The following SUZ12 variants were observed in gnomAD, a reference collection of about 807,000 sequenced individuals.
The protein encoded by SUZ12 is polycomb protein SUZ12.
A neutral mutation model predicts 87.3 loss-of-function variants in SUZ12; 17 were observed. That is an observed-to-expected ratio of 0.19 (90% CI 0.13 to 0.29). SUZ12 has a LOEUF of 0.29. Among genes scored for constraint, SUZ12 ranks in the 10% least tolerant of loss-of-function variants. The probability of loss-of-function intolerance (pLI) is 1.00; values close to 1 mark genes in which losing one functional copy is unlikely to be tolerated. For missense variants in SUZ12, 526 were observed against 912.2 expected, an observed-to-expected ratio of 0.58 and a Z score of 5.45; for synonymous variants, 253 against 312.4, an observed-to-expected ratio of 0.81 and a Z score of 2.01.
chr17:31,994,963 T>A (rs1909895093), intron 13 of SUZ12, among the ~76,000 whole-genome samples: 1 of 152,230 alleles, frequency 6.6e-6, no homozygotes, highest in African/African-American at 2.4e-5. Flanking sequence ...TCACTACTGC[T>A]GCAGTGGTTT....
chr17:31,992,015 G>A (rs560496832), intron 10 of SUZ12, among the ~76,000 whole-genome samples: 1 of 151,926 alleles, frequency 6.6e-6, no homozygotes, highest in Non-Finnish European at 1.5e-5. Context: ...CTCTGGGCTG[G>A]GCACGGTGAC....
intron 4 of SUZ12, among the ~76,000 whole-genome samples, chr17:31,960,460 C>T (rs1217690161): frequency 5.3e-5 from 8 of 152,056 alleles, no homozygotes; most frequent in South Asian, 4.1e-4. Context: ...CTGCCCGCCT[C>T]GGCCTCCCAA....
rs1910123452 is a variant in SUZ12 at position 31,998,966 on chromosome 17, CAG to C, written c.2184_2185del (p.Val730PhefsTer26). On this transcript the variant is annotated frameshift_variant, in exon 16 of 16. Coordinates refer to ENST00000322652, the MANE Select transcript of SUZ12 (RefSeq NM_015355.4). LOFTEE classifies it high-confidence loss of function. ...AAAGCTTTGGAAACAGATAGTGTCTCAGGGGTTTCAAAACAGAGCAAAAAACA... is the reference window on the plus strand; with the variant it reads ...AAAGCTTTGGAAACAGATAGTGTCTCGGGTTTCAAAACAGAGCAAAAAACA... The C allele has an allele frequency of 6.3e-7, 1 of 1,583,924 alleles. No individual in the cohort carries two copies. Among genetic ancestry groups the C allele is most frequent in the South Asian group, 1.2e-5 (1 of 85,398 alleles).
chr17:32,000,844 T>C lies in SUZ12; in HGVS notation c.*1841T>C, dbSNP rs1910220642. 1 of 225,594 alleles carries C rather than the reference T, an allele frequency of 4.4e-6. No homozygotes were observed. Among genetic ancestry groups the C allele is most frequent in the East Asian group, 6.5e-5 (1 of 15,324 alleles). 14.0% of individuals were successfully genotyped at this position (225,594 alleles called of 1,614,324 possible). ...TAAAAGCTGAAAAAATCCCTTTGTT[T>C]CTATTTATAAAAAAAGTGCTTTTCT... On this transcript the variant is annotated 3_prime_UTR_variant, in exon 16 of 16. Transcript: ENST00000322652.
At chr17:31,963,837 A>G (rs114838395) in intron 4 of SUZ12, 10,609 of 150,670 alleles carry the variant, frequency 0.07, no homozygotes, top group African/African-American at 0.23. Flanking sequence ...TTAGTTTTTA[A>G]CTTTATATTT....
intron 4 of SUZ12, among the ~76,000 whole-genome samples, chr17:31,949,890 C>T (rs1409340738): frequency 6.6e-6 from 1 of 151,826 alleles, no homozygotes; most frequent in Admixed American, 6.6e-5. Flanking sequence ...ACCATGTTGG[C>T]CAGGCTGGTC....
intron 9 of SUZ12, among the ~76,000 whole-genome samples, chr17:31,986,520 T>C (rs1909428753): frequency 2.0e-5 from 3 of 151,938 alleles, no homozygotes; most frequent in Admixed American, 2.0e-4. Context: ...GAACACACTT[T>C]TACTACATTC....
Position 31,995,716 on chromosome 17 carries a change from G to A in SUZ12, c.1748G>A (p.Ser583Asn). The A allele has an allele frequency of 6.2e-7, 1 of 1,614,046 alleles. No individual in the cohort carries two copies. Among genetic ancestry groups the A allele is most frequent in the Non-Finnish European group, 8.5e-7 (1 of 1,179,976 alleles). Reference sequence around the variant, plus strand: ...CGTCCACAAGAAATGGAAGTAGATAGTGAAGATGAAAAGGATCCTGAATGG... The same window carrying A: ...CGTCCACAAGAAATGGAAGTAGATAATGAAGATGAAAAGGATCCTGAATGG... Reference protein sequence around the residue: ...PLRPQEMEVDSEDEKDPEWLR... With the variant: ...PLRPQEMEVDNEDEKDPEWLR... Residue 583 changes from serine to asparagine, a missense_variant, in exon 14 of 16, where the codon AGT becomes AAT. By Grantham distance (46) the Ser-to-Asn change is conservative (BLOSUM62 1). Around this residue, in one of 9 missense-constraint regions of SUZ12, gnomAD observed 143 missense variants for 321.6 expected, o/e 0.44. Coordinates refer to ENST00000322652, the MANE Select transcript of SUZ12 (RefSeq NM_015355.4).
chr17:31,975,889 A>G lies in SUZ12; in HGVS notation c.823+176A>G, dbSNP rs532183072. On this transcript the variant is annotated intron_variant, in intron 7 of 15. Coordinates refer to ENST00000322652, the MANE Select transcript of SUZ12 (RefSeq NM_015355.4). ...TCAAACATAAAGGACAATGAGAAGTATTTTATAGTGAACACCTATCTACTT... is the reference window on the plus strand; with the variant it reads ...TCAAACATAAAGGACAATGAGAAGTGTTTTATAGTGAACACCTATCTACTT... 7.9e-5 allele frequency among the ~76,000 whole-genome samples: 12 copies of G among 152,324 alleles called. 1 individual carries two copies. The South Asian group carries it at 2.5e-3, about 32-fold the overall frequency.
chr17:31,969,092 T>C (rs1249089861), intron 5 of SUZ12, among the ~76,000 whole-genome samples: 3 of 152,170 alleles, frequency 2.0e-5, no homozygotes, highest in African/African-American at 7.2e-5. Context: ...TTCTCATGCC[T>C]CCACCTCCCA....
intron 4 of SUZ12, among the ~76,000 whole-genome samples, chr17:31,956,308 C>G (rs55684446): frequency 0.099 from 15,069 of 152,036 alleles, 1,026 homozygotes; most frequent in Middle Eastern, 0.15. Context: ...ATTTTCTTGC[C>G]TCAGCCTCTG....
intron 8 of SUZ12, among the ~76,000 whole-genome samples, chr17:31,977,295 T>TA (rs1433710799): frequency 2.2e-5 from 3 of 137,964 alleles, no homozygotes; most frequent in Non-Finnish European, 4.5e-5. Flanking sequence ...TTTTTTTTTT[T>TA]AGAATAGTGT....
chr17:31,947,306 T>C lies in SUZ12; in HGVS notation c.387-311T>C, dbSNP rs1452611532. 3.3e-5 allele frequency among the ~76,000 whole-genome samples: 5 copies of C among 152,106 alleles called. No individual in the cohort carries two copies. The East Asian group carries it at 9.6e-4, about 29-fold the overall frequency. On this transcript the variant is annotated intron_variant, in intron 3 of 15. Coordinates refer to ENST00000322652, the MANE Select transcript of SUZ12 (RefSeq NM_015355.4). ...TACATGAGTTTTACGTGTAGGAAAC[T>C]GAATGAAAAGTAAGTGTCAAAATAA...
chr17:31,994,141 A>G, intron 12 of SUZ12, 133 bp downstream of exon 12: 1 of 818,476 alleles, frequency 1.2e-6, no homozygotes, highest in Non-Finnish European at 1.8e-6. Context: ...ACAAGATAGC[A>G]TGACTTTCAA....
At position 31,998,984 on chromosome 17, in the gene SUZ12, G is replaced by A; in HGVS notation, c.2201G>A (p.Ser734Asn). 3 of 1,547,604 alleles carry A rather than the reference G, an allele frequency of 1.9e-6. No homozygotes were observed. Among genetic ancestry groups the A allele is most frequent in the East Asian group, 2.3e-5 (1 of 43,992 alleles). ...TDSVSGVSKQ[S>N]KKQKL is the part of the protein sequence containing the mutation. ...AGTGTCTCAGGGGTTTCAAAACAGA[G>A]CAAAAAACAAAAACTCTGAAAAGCT... The change falls in exon 16 of 16, where the codon AGC becomes AAC. Residue 734 changes from serine to asparagine, a missense_variant. Physicochemically the swap from Ser to Asn is conservative, Grantham distance 46 (BLOSUM62 1). Transcript: ENST00000322652.
chr17:31,994,898 G>A (rs1235390393), intron 13 of SUZ12, among the ~76,000 whole-genome samples, 177 bp downstream of exon 13: 1 of 152,200 alleles, frequency 6.6e-6, no homozygotes, highest in Non-Finnish European at 1.5e-5. Flanking sequence ...TTTCTACAGA[G>A]AAGTTTTCTC....
At chr17:31,983,163 T>C in intron 9 of SUZ12, 59 bp downstream of exon 9, 2 of 1,528,254 alleles carry the variant, frequency 1.3e-6, no homozygotes, top group African/African-American at 2.8e-5. Flanking sequence ...TTTTGACTGA[T>C]GTTTTCTTCC....
intron 4 of SUZ12, among the ~76,000 whole-genome samples, chr17:31,963,653 G>C (rs770398834): frequency 2.6e-4 from 39 of 151,962 alleles, no homozygotes; most frequent in Non-Finnish European, 4.4e-4. Flanking sequence ...CTCCCGAGTA[G>C]CTGGGATTAC....
chr17:31,978,594 T>G (rs1347173531), intron 8 of SUZ12, among the ~76,000 whole-genome samples: 2 of 152,144 alleles, frequency 1.3e-5, no homozygotes, highest in African/African-American at 2.4e-5. Flanking sequence ...AAAATAGTGG[T>G]CATGTCTGTG....
Sources: gnomAD v4.1 joint callset for allele counts (sites outside exome capture counted in the v4.1 genomes callset) on GRCh38, gnomAD v4.1.1 for gene constraint, gnomAD v4.1.1 regional missense constraint, MANE v1.5 for transcripts, NCBI Gene and HGNC (gene_info 2026-07-23, HGNC 2026-07-21) for gene names.